Variants in FGGY observed in about 807,000 individuals in gnomAD.
FGGY encodes the protein FGGY carbohydrate kinase domain-containing protein.
FGGY carries 72 observed loss-of-function variants against 71.3 expected under a neutral mutation model. The ratio of observed to expected loss-of-function variants is 1.01; its 90% CI spans 0.84 to 1.23. The LOEUF is 1.23. Among genes scored for constraint, FGGY ranks in the 50% most tolerant of loss-of-function variants. The pLI, the probability that FGGY is intolerant of heterozygous loss-of-function variation, is 0.00. For synonymous variants in FGGY, 251 were observed against 250.3 expected, an observed-to-expected ratio of 1.00 and a Z score of -0.02; for missense variants, 668 against 682.3, an observed-to-expected ratio of 0.98 and a Z score of 0.23.
intron 4 of FGGY, among the ~76,000 whole-genome samples, chr1:59,376,913 C>T (rs1243579841): frequency 6.6e-6 from 1 of 152,202 alleles, no homozygotes; most frequent in Admixed American, 6.5e-5. Flanking sequence ...AGGTGTTTGA[C>T]AGAAAATGGC....
At chr1:59,694,011 A>C (rs980554913) in intron 14 of FGGY, among the ~76,000 whole-genome samples, 1 of 149,954 alleles carries the variant, frequency 6.7e-6, no homozygotes, top group Non-Finnish European at 1.5e-5. Flanking sequence ...TGTCTCAAAA[A>C]AAGTAAATGG....
intron 2 of FGGY, among the ~76,000 whole-genome samples, chr1:59,335,816 A>C (rs540151126): frequency 1.3e-5 from 2 of 152,268 alleles, no homozygotes; most frequent in African/African-American, 2.4e-5. Flanking sequence ...TTTTCTTTGC[A>C]GAAGTGTCCA....
intron 14 of FGGY, among the ~76,000 whole-genome samples, chr1:59,705,602 G>A (rs10889154): frequency 0.8 from 121,847 of 152,152 alleles, 49,209 homozygotes; most frequent in Non-Finnish European, 0.86. Context: ...GCAAGAAGCT[G>A]GATACTGAGC....
At chr1:59,679,338 TTCTG>T (rs749374990) in intron 14 of FGGY, among the ~76,000 whole-genome samples, 1 of 152,206 alleles carries the variant, frequency 6.6e-6, no homozygotes, top group Non-Finnish European at 1.5e-5. Context: ...CTATTTGGCT[TTCTG>T]TCACGATAAA....
At chr1:59,590,270 A>C (rs571302787) in intron 8 of FGGY, among the ~76,000 whole-genome samples, 1 of 152,342 alleles carries the variant, frequency 6.6e-6, no homozygotes, top group African/African-American at 2.4e-5. Flanking sequence ...GAACAATAAC[A>C]GGATCTGAAA....
chr1:59,476,814 G>C (rs1396946390), intron 6 of FGGY, among the ~76,000 whole-genome samples: 1 of 152,200 alleles, frequency 6.6e-6, no homozygotes, highest in Non-Finnish European at 1.5e-5. Context: ...CAGAAGAAAA[G>C]TGCTGCCTCA....
At chr1:59,468,195 G>A (rs1048828854) in intron 6 of FGGY, among the ~76,000 whole-genome samples, 1 of 152,076 alleles carries the variant, frequency 6.6e-6, no homozygotes, top group African/African-American at 2.4e-5. Flanking sequence ...AAGTCACCGC[G>A]CCCGACTGGC....
At chr1:59,633,881 T>A (rs2096931496) in intron 10 of FGGY, among the ~76,000 whole-genome samples, 1 of 152,076 alleles carries the variant, frequency 6.6e-6, no homozygotes, top group Non-Finnish European at 1.5e-5. Context: ...CTGGAAGACG[T>A]CATATGTTTA....
At chr1:59,714,150 G>A (rs1409296784) in intron 14 of FGGY, among the ~76,000 whole-genome samples, 1 of 152,158 alleles carries the variant, frequency 6.6e-6, no homozygotes, top group African/African-American at 2.4e-5. Context: ...TCCAAAAAGT[G>A]TCTAGGACTC....
chr1:59,321,234 C>A (rs1011941566), intron 1 of FGGY, among the ~76,000 whole-genome samples: 2 of 152,196 alleles, frequency 1.3e-5, no homozygotes, highest in African/African-American at 4.8e-5. Flanking sequence ...TCTCCTACCA[C>A]CCTGTACTTG....
chr1:59,715,514 A>C (rs1211462785), intron 14 of FGGY, among the ~76,000 whole-genome samples: 1 of 152,208 alleles, frequency 6.6e-6, no homozygotes, highest in African/African-American at 2.4e-5. Context: ...TCTTGGTTCT[A>C]ATACAAACTT....
chr1:59,759,745 G>T (rs1383495147), intron 15 of FGGY, among the ~76,000 whole-genome samples: 1 of 152,202 alleles, frequency 6.6e-6, no homozygotes, highest in Non-Finnish European at 1.5e-5. Flanking sequence ...GATGTGGGAC[G>T]ACATTTACTT....
At position 59,721,261 on chromosome 1, in the gene FGGY, C is replaced by T. The variant is rs558335128; in HGVS notation, c.1513-36670C>T. Among the ~76,000 whole-genome samples the T allele has an allele frequency of 3.3e-5, 5 of 149,794 alleles. No homozygotes were observed. In the South Asian group the frequency reaches 6.4e-4, roughly 19 times the overall value. On this transcript the variant is annotated intron_variant, in intron 14 of 15. Transcript: ENST00000303721. Reference sequence around the variant, plus strand: ...TGACCATATATTTTATTTTAATAAACTTTATTTTTAGAAGAGTTTTATATT... The same window carrying T: ...TGACCATATATTTTATTTTAATAAATTTTATTTTTAGAAGAGTTTTATATT...
intron 14 of FGGY, among the ~76,000 whole-genome samples, chr1:59,686,343 G>T (rs1340515349): frequency 6.6e-6 from 1 of 152,150 alleles, no homozygotes; most frequent in Non-Finnish European, 1.5e-5. Flanking sequence ...GTGCTAAAAT[G>T]AAGCACCCGT....
At chr1:59,335,497 A>G (rs145550098) in intron 2 of FGGY, among the ~76,000 whole-genome samples, 1,980 of 152,264 alleles carry the variant, frequency 0.013, 25 homozygotes, top group Middle Eastern at 0.037. Context: ...GAATATCAAT[A>G]ATGCTGCTAT....
At chr1:59,340,398 A>C (rs2050431732) in intron 3 of FGGY, among the ~76,000 whole-genome samples, 1 of 152,160 alleles carries the variant, frequency 6.6e-6, no homozygotes, top group South Asian at 2.1e-4. Context: ...CTGAGAAGAG[A>C]GTGTCAGTGC....
chr1:59,587,963 T>A (rs575985317), intron 8 of FGGY, among the ~76,000 whole-genome samples: 1 of 151,940 alleles, frequency 6.6e-6, no homozygotes, highest in Non-Finnish European at 1.5e-5. Flanking sequence ...CTTTGACGAG[T>A]TGAGAGAAGG....
intron 5 of FGGY, among the ~76,000 whole-genome samples, chr1:59,386,051 T>C (rs2060031241): frequency 1.3e-5 from 2 of 152,294 alleles, no homozygotes; most frequent in African/African-American, 4.8e-5. Flanking sequence ...ATAGAAAAAT[T>C]GTGAAGACGC....
At position 59,358,011 on chromosome 1, in the gene FGGY, G is replaced by A. The variant is rs367896016; in HGVS notation, c.465+11613G>A. On this transcript the variant is annotated intron_variant, in intron 4 of 15. Transcript: ENST00000303721. ...TGAACAAAATTCTTTTCTCATAGTG[G>A]CTAAAATGGAAGTCACACTTACTGG... Among the ~76,000 whole-genome samples the A allele has an allele frequency of 8.0e-4, 122 of 152,316 alleles. 1 individual carries two copies. Among genetic ancestry groups the A allele is most frequent in the South Asian group, 5.8e-3 (28 of 4,830 alleles).
Sources: gnomAD v4.1 joint callset for allele counts (sites outside exome capture counted in the v4.1 genomes callset) on GRCh38, gnomAD v4.1.1 for gene constraint, MANE v1.5 for transcripts, NCBI Gene and HGNC (gene_info 2026-07-23, HGNC 2026-07-21) for gene names.